TIMM17B: variants seen among roughly 807,000 people sequenced by gnomAD.
The protein encoded by TIMM17B is mitochondrial import inner membrane translocase subunit Tim17-B.
TIMM17B carries 10 observed loss-of-function variants against 15.9 expected under a neutral mutation model. The ratio of observed to expected loss-of-function variants is 0.63; its 90% confidence interval spans 0.39 to 1.06. TIMM17B has a LOEUF of 1.06. TIMM17B is among the 50% of genes least tolerant of loss of function. The pLI, the probability that TIMM17B is intolerant of heterozygous loss-of-function variation, is 0.01. For missense variants in TIMM17B, 114 were observed against 152.2 expected, an observed-to-expected ratio of 0.75 and a Z score of 1.32; for synonymous variants, 57 against 57.2, an observed-to-expected ratio of 1.00 and a Z score of 0.02.
chrX:48,896,609 A>G lies in TIMM17B; in HGVS notation c.126+150T>C, dbSNP rs1477830603. The stretch of plus-strand genomic sequence containing the variant: ...GTTTGCAATCCCTACAAAATCCCAG[A>G]TACAGGAGCCAGGCTCGGCACATAG... On this transcript the variant is annotated intron_variant, in intron 3 of 6. Coordinates refer to ENST00000376582, the Ensembl canonical transcript of TIMM17B. The G allele has an allele frequency of 9.3e-6, 10 of 1,078,685 alleles. No homozygotes were observed. The East Asian group carries it at 3.3e-4, about 36-fold the overall frequency. The allele number at this position is 1,078,685 out of a possible 1,213,427, so 88.9% of individuals were successfully genotyped here.
At chrX:48,897,736 G>A (rs781956313) in exon 2 of TIMM17B, 1 of 1,209,456 alleles carries the variant, frequency 8.3e-7, no homozygotes, top group Admixed American at 2.2e-5. Flanking sequence ...GGGCTCCCGA[G>A]CGTACTCCTC....
In TIMM17B at chrX:48,893,671, C is replaced by T. The variant is rs868983121; in HGVS notation, c.*58G>A. The T allele has an allele frequency of 3.2e-5, 31 of 968,799 alleles. No homozygotes were observed. The Middle Eastern group carries it at 3.1e-3, about 98-fold the overall frequency. The allele number at this position is 968,799 out of a possible 1,213,427, so 79.8% of individuals were successfully genotyped here. ...GCTAACTGGGAGCCAGCCCTCCCTTCGAGGTAGACCATCGGGGAGGGAACC... is the reference window on the plus strand; with the variant it reads ...GCTAACTGGGAGCCAGCCCTCCCTTTGAGGTAGACCATCGGGGAGGGAACC... On this transcript the variant is annotated 3_prime_UTR_variant, in exon 7 of 7. Coordinates refer to ENST00000376582, the Ensembl canonical transcript of TIMM17B.
At chrX:48,897,857 T>C in intron 1 of TIMM17B, 89 bp from the exon 1 acceptor site, 1 of 1,087,862 alleles carries the variant, frequency 9.2e-7, no homozygotes, top group Non-Finnish European at 1.2e-6. Flanking sequence ...CTATACCGCA[T>C]GTCACGCCAA....
Position 48,896,752 on chromosome X carries a change from G to A in TIMM17B, c.126+7C>T. 1 of 1,211,034 alleles carries A rather than the reference G, an allele frequency of 8.3e-7. No individual in the cohort carries two copies. The highest frequency in any genetic ancestry group is 1.1e-6 in the Non-Finnish European group (1 of 895,346). ...CCCACACCAACCCAGGGAAGGCCTGGACTCACAACAGGGGCATTGCGGAAA... is the reference window on the plus strand; with the variant it reads ...CCCACACCAACCCAGGGAAGGCCTGAACTCACAACAGGGGCATTGCGGAAA... On this transcript the variant is annotated splice_region_variant and intron_variant, in intron 3 of 6. Coordinates refer to ENST00000376582, the Ensembl canonical transcript of TIMM17B.
chrX:48,896,541 G>C, intron 3 of TIMM17B: 1 of 705,210 alleles, frequency 1.4e-6, no homozygotes, highest in South Asian at 3.5e-5. Flanking sequence ...TTCCACAGAG[G>C]AGCTCCAGTT....
At chrX:48,893,713 G>A in exon 7 of TIMM17B, 2 of 1,138,155 alleles carry the variant, frequency 1.8e-6, no homozygotes, top group Non-Finnish European at 2.3e-6. Flanking sequence ...TAGCTCCCAT[G>A]GTGGCAGTGG....
intron 3 of TIMM17B, 26 bp downstream of exon 2, chrX:48,896,733 C>A (rs1281528842): frequency 8.3e-7 from 1 of 1,210,441 alleles, no homozygotes; most frequent in Non-Finnish European, 1.1e-6. Flanking sequence ...TAACCCCACA[C>A]CAACCCAGGG....
chrX:48,897,698 C>T, intron 2 of TIMM17B, 26 bp downstream of exon 1: 1 of 1,180,694 alleles, frequency 8.5e-7, no homozygotes. Flanking sequence ...CAGCAATATT[C>T]CGGATGCCTG....
rs1187692218 is a variant in TIMM17B, at chrX:48,897,787, C to T, written c.-38G>A. The T allele has an allele frequency of 1.7e-6, 2 of 1,204,072 alleles. No individual in the cohort carries two copies. The highest frequency in any genetic ancestry group is 1.8e-5 in the South Asian group (1 of 55,989). ...TGGCCGCGCAGTCAGGCCACGCCCCCAGCGTAGACGCACACCGGCGTCGGA... is the reference window on the plus strand; with the variant it reads ...TGGCCGCGCAGTCAGGCCACGCCCCTAGCGTAGACGCACACCGGCGTCGGA... On this transcript the variant is annotated 5_prime_UTR_variant, in exon 2 of 7. Transcript: ENST00000376582.
chrX:48,894,520 TCAC>T (rs1557039184), intron 4 of TIMM17B, among the ~76,000 whole-genome samples: 1 of 111,515 alleles, frequency 9.0e-6, no homozygotes, highest in Non-Finnish European at 1.9e-5. Context: ...AGCTTCATAA[TCAC>T]CACACAGAGT....
chrX:48,897,818 C>T (rs2063330570), exon 2 of TIMM17B: 7 of 1,179,691 alleles, frequency 5.9e-6, no homozygotes, highest in Non-Finnish European at 8.0e-6. Flanking sequence ...TCGGAGCTTT[C>T]CGCCTATTAC....
exon 7 of TIMM17B, chrX:48,893,641 C>A: frequency 1.2e-6 from 1 of 827,842 alleles, no homozygotes; most frequent in Non-Finnish European, 1.7e-6. Context: ...CTGGAGGGTC[C>A]CAGGGCTAAC....
At chrX:48,897,726 G>A (rs782399333) in exon 2 of TIMM17B, 2 of 1,206,643 alleles carry the variant, frequency 1.7e-6, no homozygotes, top group Non-Finnish European at 2.2e-6. Flanking sequence ...TGCCGTACCA[G>A]GGCTCCCGAG....
chrX:48,897,757 G>C (rs1557039898), exon 2 of TIMM17B: 1 of 1,209,063 alleles, frequency 8.3e-7, no homozygotes, highest in Admixed American at 2.2e-5. Context: ...CATGGCGCTG[G>C]CGTCTGGCCG....
intron 2 of TIMM17B, chrX:48,897,192 A>C (rs2063322019): frequency 3.4e-6 from 1 of 297,999 alleles, no homozygotes. Flanking sequence ...TTAACTAGCC[A>C]AGACAGACTG....
At position 48,894,979 on chromosome X, in the gene TIMM17B, A is replaced by T. The variant is rs1161343462; in HGVS notation, c.190+59T>A. ...CTAACTTGCAGCCTAGACCCAAAGG[A>T]TCAACCACTCCCACCTTTGCCAAGA... On this transcript the variant is annotated intron_variant, in intron 4 of 6. Transcript: ENST00000376582. 3.8e-6 allele frequency: 4 copies of T among 1,042,344 alleles called. No homozygotes were observed. The African/African-American group carries it at 5.6e-5, about 15-fold the overall frequency. 85.9% of individuals were successfully genotyped at this position (1,042,344 alleles called of 1,213,427 possible).
At chrX:48,895,231 C>T (rs2063301842) in intron 3 of TIMM17B, 130 bp from the exon 3 acceptor site, 1 of 578,671 alleles carries the variant, frequency 1.7e-6, no homozygotes, top group Non-Finnish European at 2.8e-6. Flanking sequence ...GAGAAGTGGC[C>T]AAGAACTAGT....
intron 2 of TIMM17B, 59 bp downstream of exon 1, chrX:48,897,665 C>T (rs1468253650): frequency 6.0e-5 from 63 of 1,044,788 alleles, no homozygotes; most frequent in Non-Finnish European, 8.3e-5. Flanking sequence ...CCCGCCCGAC[C>T]CCCACGGCTG....
intron 3 of TIMM17B, 134 bp downstream of exon 2, chrX:48,896,625 C>T (rs992264137): frequency 2.7e-6 from 3 of 1,091,925 alleles, no homozygotes; most frequent in South Asian, 2.3e-5. Context: ...GAGCCAGGCT[C>T]GGCACATAGT....
Sources: gnomAD v4.1 joint callset for allele counts (sites outside exome capture counted in the v4.1 genomes callset) on GRCh38, gnomAD v4.1.1 for gene constraint, MANE v1.5 for transcripts, NCBI Gene and HGNC (gene_info 2026-07-23, HGNC 2026-07-21) for gene names.